AGMO: variants seen among roughly 807,000 people sequenced by gnomAD.
The protein encoded by AGMO is alkylglycerol monooxygenase, also known as glyceryl-ether monooxygenase.
A neutral mutation model predicts 60.2 loss-of-function variants in AGMO; 75 were observed. The observed-to-expected ratio is 1.25, with a 90% CI of 1.03 to 1.51. The LOEUF is 1.51. Among genes scored for constraint, AGMO ranks in the 40% most tolerant of loss-of-function variants. The pLI, the probability that AGMO is intolerant of heterozygous loss-of-function variation, is 0.00. For synonymous variants in AGMO, 261 were observed against 177.1 expected, an observed-to-expected ratio of 1.47 and a Z score of -3.76; for missense variants, 763 against 525.5, an observed-to-expected ratio of 1.45 and a Z score of -4.42.
intron 3 of AGMO, among the ~76,000 whole-genome samples, chr7:15,452,928 T>C (rs1562514974): frequency 6.6e-6 from 1 of 152,212 alleles, no homozygotes; most frequent in Non-Finnish European, 1.5e-5. Flanking sequence ...GCAGTGTGAA[T>C]GAACTTGGAA....
At chr7:15,306,619 A>T (rs895192454) in intron 12 of AGMO, 1 of 424,660 alleles carries the variant, frequency 2.4e-6, no homozygotes, top group Non-Finnish European at 4.7e-6. Context: ...TTACCTTGCT[A>T]AAAAGTTAAT....
chr7:15,349,751 C>T (rs1320236890), intron 12 of AGMO, among the ~76,000 whole-genome samples: 1 of 152,138 alleles, frequency 6.6e-6, no homozygotes, highest in Non-Finnish European at 1.5e-5. Flanking sequence ...GAAGGCATCT[C>T]TTCACAGGGT....
intron 12 of AGMO, 43 bp downstream of exon 12, chr7:15,365,471 A>G: frequency 7.7e-7 from 1 of 1,295,658 alleles, no homozygotes; most frequent in Non-Finnish European, 1.1e-6. Context: ...TAAATGTGCG[A>G]TAGGTATACG....
At chr7:15,125,684 C>T in the AGMO span, among the ~76,000 whole-genome samples, 2 of 151,860 alleles carry the variant, frequency 1.3e-5, no homozygotes, top group East Asian at 1.9e-4. Flanking sequence ...ACTAGCCAAT[C>T]GATTGGTCCT....
chr7:15,291,908 C>A (rs975375412), intron 12 of AGMO, among the ~76,000 whole-genome samples: 1 of 152,134 alleles, frequency 6.6e-6, no homozygotes. Flanking sequence ...GTAGGGGGAG[C>A]TCAGGAATTG....
chr7:15,340,383 T>C (rs1160285921), intron 12 of AGMO, among the ~76,000 whole-genome samples: 1 of 152,212 alleles, frequency 6.6e-6, no homozygotes, highest in African/African-American at 2.4e-5. Flanking sequence ...CTAATTACTT[T>C]TAAGACTTCA....
At chr7:15,127,256 A>C in the AGMO span, among the ~76,000 whole-genome samples, 1 of 152,112 alleles carries the variant, frequency 6.6e-6, no homozygotes, top group Non-Finnish European at 1.5e-5. Context: ...TTAATCTCTA[A>C]AATATTTTAC....
chr7:15,332,593 G>A (rs1781532621), intron 12 of AGMO, among the ~76,000 whole-genome samples: 1 of 152,006 alleles, frequency 6.6e-6, no homozygotes, highest in South Asian at 2.1e-4. Context: ...CCACTTAGAA[G>A]CTGTATGACC....
intron 2 of AGMO, among the ~76,000 whole-genome samples, chr7:15,557,596 A>T (rs1785180445): frequency 6.7e-6 from 1 of 149,984 alleles, no homozygotes; most frequent in African/African-American, 2.5e-5. Flanking sequence ...TGGGTTTGGG[A>T]TTTTTTTTTA....
At chr7:15,497,887 A>C (rs1783275817) in intron 3 of AGMO, among the ~76,000 whole-genome samples, 1 of 152,164 alleles carries the variant, frequency 6.6e-6, no homozygotes, top group South Asian at 2.1e-4. Context: ...TTTTGAAAAC[A>C]GCAGATTTAA....
rs542215483 is a variant in AGMO at position 15,325,918 on chromosome 7, AGAC to A, written c.1263+39593_1263+39595del. The stretch of plus-strand genomic sequence containing the variant: ...TTTAATGACAAAAAGAAGAGGAAGA[AGAC>A]GGAGGAGGAGGAGGAGAGGGAGAGC... On this transcript the variant is annotated intron_variant, in intron 12 of 12. Transcript: ENST00000342526. Among the ~76,000 whole-genome samples, 575 of 152,232 alleles carry A rather than the reference AGAC, an allele frequency of 3.8e-3. 2 individuals are homozygous for A. Among genetic ancestry groups the A allele is most frequent in the Non-Finnish European group, 5.8e-3 (393 of 68,004 alleles).
chr7:15,197,199 TCTATGA>T (rs1030477105), downstream of AGMO, among the ~76,000 whole-genome samples: 2 of 152,094 alleles, frequency 1.3e-5, no homozygotes, highest in African/African-American at 4.8e-5. Flanking sequence ...GTTTCTGGAG[TCTATGA>T]CTATGAGAAC....
Position 15,202,458 on chromosome 7 carries a change from CAAAAAAAAAAAAAAAAAA to C in AGMO, c.1264-1117_1264-1100del, listed in dbSNP as rs71004370. ...CACCAACAACCAAAATACAAATGAG[CAAAAAAAAAAAAAAAAAA>C]AAAAAAAAAAAAACCCTCCCAAACA... is the stretch of plus-strand genomic sequence containing the variant. On this transcript the variant is annotated intron_variant, in intron 12 of 12. Coordinates refer to ENST00000342526, the MANE Select transcript of AGMO (RefSeq NM_001004320.2). Among the ~76,000 whole-genome samples, 5 of 45,360 alleles carry C rather than the reference CAAAAAAAAAAAAAAAAAA, an allele frequency of 1.1e-4. No individual in the cohort carries two copies. The South Asian group carries it at 2.9e-3, about 26-fold the overall frequency. The allele number at this position is 45,360 out of a possible 152,430, so 29.8% of individuals were successfully genotyped here.
At chr7:15,462,517 C>A (rs1470313939) in intron 3 of AGMO, among the ~76,000 whole-genome samples, 1 of 152,032 alleles carries the variant, frequency 6.6e-6, no homozygotes, top group Non-Finnish European at 1.5e-5. Context: ...AAACTGTAAG[C>A]CTTCACTACT....
chr7:15,229,515 AAAAAG>A (rs1448818664), intron 12 of AGMO, among the ~76,000 whole-genome samples: 1 of 149,996 alleles, frequency 6.7e-6, no homozygotes, highest in Non-Finnish European at 1.5e-5. Context: ...TCCAAAAAAA[AAAAAG>A]AAAGAAGAAA....
At chr7:15,289,535 T>C (rs1583368478) in intron 12 of AGMO, among the ~76,000 whole-genome samples, 1 of 151,278 alleles carries the variant, frequency 6.6e-6, no homozygotes, top group Non-Finnish European at 1.5e-5. Context: ...GTATATATTA[T>C]CTCCAAAAAA....
chr7:15,333,366 G>A (rs1184902512), intron 12 of AGMO, among the ~76,000 whole-genome samples: 1 of 152,060 alleles, frequency 6.6e-6, no homozygotes, highest in Non-Finnish European at 1.5e-5. Context: ...TCTGGTCTTA[G>A]AAACATCAAA....
Position 15,489,580 on chromosome 7 carries a change from C to A in AGMO, c.409+55192G>T, listed in dbSNP as rs114131870. 7.2e-3 allele frequency among the ~76,000 whole-genome samples: 1,101 copies of A among 152,264 alleles called. 17 individuals are homozygous for A. Among genetic ancestry groups the A allele is most frequent in the African/African-American group, 0.025 (1,041 of 41,560 alleles). ...GTCAACCTTGTTTTATCACCAGAGG[C>A]CTTCTTCGTAAAAATAATAACATCC... On this transcript the variant is annotated intron_variant, in intron 3 of 12. Coordinates refer to ENST00000342526, the MANE Select transcript of AGMO (RefSeq NM_001004320.2).
chr7:15,504,464 G>A (rs919569533), intron 3 of AGMO, among the ~76,000 whole-genome samples: 1 of 151,938 alleles, frequency 6.6e-6, no homozygotes, highest in Non-Finnish European at 1.5e-5. Context: ...TAATGGAAGT[G>A]ACATAGCTAA....
Sources: gnomAD v4.1 joint callset for allele counts (sites outside exome capture counted in the v4.1 genomes callset) on GRCh38, gnomAD v4.1.1 for gene constraint, MANE v1.5 for transcripts, NCBI Gene and HGNC (gene_info 2026-07-23, HGNC 2026-07-21) for gene names.